ARL13B: variants seen among roughly 807,000 people sequenced by gnomAD.
The protein encoded by ARL13B is ARF like GTPase 13B.
A neutral mutation model predicts 56.1 loss-of-function variants in ARL13B; 36 were observed. The observed-to-expected ratio is 0.64, with a 90% CI of 0.49 to 0.85. ARL13B has a LOEUF of 0.85. ARL13B is among the 40% of genes least tolerant of loss of function. The probability of loss-of-function intolerance (pLI) is 0.00; values close to 1 mark genes in which losing one functional copy is unlikely to be tolerated. For synonymous variants in ARL13B, 178 were observed against 171.1 expected (o/e 1.04, Z -0.32); for missense variants, 519 against 507.1 (o/e 1.02, Z -0.23).
At position 93,995,854 on chromosome 3, in the gene ARL13B, T is replaced by A. The variant is rs2107383939; in HGVS notation, c.60-20T>A. The A allele has an allele frequency of 2.5e-6, 4 of 1,593,558 alleles. No homozygotes were observed. The highest frequency in any genetic ancestry group is 1.4e-5 in the African/African-American group (1 of 73,626). Reference sequence around the variant, plus strand: ...CTAAATTAACAAAGAAAGTGATTTTTAAATTTCTATTATTTTAAGAAAGGT... The same window carrying A: ...CTAAATTAACAAAGAAAGTGATTTTAAAATTTCTATTATTTTAAGAAAGGT... On this transcript the variant is annotated intron_variant, in intron 1 of 9. Coordinates refer to ENST00000394222, the MANE Select transcript of ARL13B (RefSeq NM_001174150.2).
At chr3:94,050,795 G>A in intron 8 of ARL13B, 29 bp from the exon 9 acceptor site, 1 of 1,599,544 alleles carries the variant, frequency 6.3e-7, no homozygotes, top group Non-Finnish European at 8.5e-7. Context: ...GTTTAACAGT[G>A]TTTTTTAAAT....
chr3:93,981,865 C>CAAAAAAAAAAAAAA (rs11396818), intron 1 of ARL13B, among the ~76,000 whole-genome samples: 6 of 68,380 alleles, frequency 8.8e-5, no homozygotes, highest in Non-Finnish European at 1.7e-4. Flanking sequence ...AACCCTGTCT[C>CAAAAAAAAAAAAAA]AAAAAAAAAA....
Position 94,054,717 on chromosome 3 carries a change from A to G in ARL13B, c.*1454A>G, listed in dbSNP as rs2077117127. The G allele has an allele frequency of 2.4e-6, 1 of 412,380 alleles. No homozygotes were observed. The highest frequency in any genetic ancestry group is 2.1e-5 in the African/African-American group (1 of 48,290). 25.5% of individuals were successfully genotyped at this position (412,380 alleles called of 1,614,324 possible). A position where few individuals can be genotyped will look rare whatever the true frequency, so the allele number is the denominator to read the frequency against. On this transcript the variant is annotated 3_prime_UTR_variant, in exon 10 of 10. Transcript: ENST00000394222. ...GAACTTTAATAATCAGGTCACCTGT[A>G]CTCTAGTCAGCACTGTATATATTCT...
chr3:94,034,453 A>C (rs778777567), intron 3 of ARL13B, among the ~76,000 whole-genome samples: 10 of 151,904 alleles, frequency 6.6e-5, no homozygotes, highest in Non-Finnish European at 1.3e-4. Flanking sequence ...TTTTCTGTAG[A>C]ATATATTGGT....
At position 94,003,833 on chromosome 3, in the gene ARL13B, A is replaced by T. The variant is rs1013644884; in HGVS notation, c.305A>T (p.Glu102Val). 6.2e-7 allele frequency: 1 copy of T among 1,613,726 alleles called. No homozygotes were observed. Among genetic ancestry groups the T allele is most frequent in the African/African-American group, 1.3e-5 (1 of 75,036 alleles). ...TTTGTTGTGGATTCCAGTGATGAAG[A>T]GAGAATGGAAGAGACAAAAGAGGCT... ...VIFVVDSSDE[E>V]RMEETKEAMS... is the part of the protein sequence containing the mutation. The change falls in exon 3 of 10, where the codon GAG (glutamate) becomes GTG (valine). Residue 102 changes from glutamate to valine, a missense_variant. By Grantham distance (121) the Glu-to-Val change is moderately radical. Coordinates refer to ENST00000394222, the MANE Select transcript of ARL13B (RefSeq NM_001174150.2).
rs2107210662 is a variant in ARL13B at position 94,053,693 on chromosome 3, A to T, written c.*430A>T. On this transcript the variant is annotated 3_prime_UTR_variant, in exon 10 of 10. Coordinates refer to ENST00000394222, the MANE Select transcript of ARL13B (RefSeq NM_001174150.2). Reference sequence around the variant, plus strand: ...GGGGACTTCTAGGAATTTATAACCAAAATTTTAAAACTATTTTTATATTTT... The same window carrying T: ...GGGGACTTCTAGGAATTTATAACCATAATTTTAAAACTATTTTTATATTTT... The T allele has an allele frequency of 3.2e-6, 1 of 312,358 alleles. No homozygotes were observed. The highest frequency in any genetic ancestry group is 9.2e-5 in the East Asian group (1 of 10,910). The allele number at this position is 312,358 out of a possible 1,614,324, so 19.3% of individuals were successfully genotyped here.
chr3:94,045,141 C>G (rs1205272631), intron 7 of ARL13B, among the ~76,000 whole-genome samples: 1 of 152,048 alleles, frequency 6.6e-6, no homozygotes, highest in African/African-American at 2.4e-5. Flanking sequence ...AATCTATAAC[C>G]TTACCCCCAA....
intron 9 of ARL13B, among the ~76,000 whole-genome samples, chr3:94,051,900 C>T (rs751935686): frequency 7.3e-5 from 11 of 151,356 alleles, no homozygotes; most frequent in Non-Finnish European, 1.3e-4. Context: ...TCTTGATAAT[C>T]GTTAGTGAAA....
chr3:94,004,952 G>C (rs150694273), intron 3 of ARL13B, among the ~76,000 whole-genome samples: 1,825 of 152,054 alleles, frequency 0.012, 139 homozygotes, highest in Admixed American at 0.1. Context: ...GTTTAAGCAG[G>C]GAATCAGTGA....
chr3:94,038,253 T>C (rs1302267408), intron 5 of ARL13B, among the ~76,000 whole-genome samples: 1 of 152,178 alleles, frequency 6.6e-6, no homozygotes, highest in South Asian at 2.1e-4. Flanking sequence ...TACAGCTCTA[T>C]GAAGTGGTTA....
intron 7 of ARL13B, among the ~76,000 whole-genome samples, chr3:94,049,190 A>G (rs559268436): frequency 6.6e-6 from 1 of 152,194 alleles, no homozygotes; most frequent in Non-Finnish European, 1.5e-5. Flanking sequence ...TTTTTATCAT[A>G]TTCATTGCTC....
rs747800604 is a variant in ARL13B at position 93,980,436 on chromosome 3, A to T, written c.13A>T (p.Met5Leu). The stretch of plus-strand genomic sequence containing the variant: ...GGAGCGACCCGGGATGTTCAGTCTG[A>T]TGGCCAGTTGCTGCGGCTGGTTCAA... MFSLMASCCGWFKRW... is the reference protein window; with the variant it reads MFSLLASCCGWFKRW... Residue 5 changes from methionine to leucine, a missense_variant, in exon 1 of 10, where the codon ATG becomes TTG. Transcript: ENST00000394222. The T allele has an allele frequency of 1.4e-5, 22 of 1,612,606 alleles. No homozygotes were observed. The highest frequency in any genetic ancestry group is 1.8e-5 in the Non-Finnish European group (21 of 1,179,984).
chr3:94,015,255 A>C (rs2076307463), intron 3 of ARL13B: 1 of 1,542,092 alleles, frequency 6.5e-7, no homozygotes, highest in East Asian at 2.3e-5. Context: ...TTAGTTCTTG[A>C]AGTCGGTCTT....
chr3:94,009,219 G>C (rs1307589245), intron 3 of ARL13B, among the ~76,000 whole-genome samples: 1 of 152,026 alleles, frequency 6.6e-6, no homozygotes, highest in African/African-American at 2.4e-5. Flanking sequence ...CTTGTGAGCA[G>C]ATCCTAAAGA....
At chr3:94,013,654 T>G (rs1037627506) in intron 3 of ARL13B, among the ~76,000 whole-genome samples, 2 of 152,168 alleles carry the variant, frequency 1.3e-5, no homozygotes, top group Non-Finnish European at 2.9e-5. Context: ...GGATAAAAGA[T>G]TTGATAAAGG....
chr3:93,996,601 T>C (rs1185586854), intron 2 of ARL13B: 1 of 441,308 alleles, frequency 2.3e-6, no homozygotes, highest in Admixed American at 2.4e-5. Flanking sequence ...TGGTCTGGAA[T>C]GCCTAGCCTC....
At chr3:93,992,166 A>G (rs1169006779) in intron 1 of ARL13B, among the ~76,000 whole-genome samples, 1 of 152,212 alleles carries the variant, frequency 6.6e-6, no homozygotes, top group Admixed American at 6.5e-5. Context: ...CATAGTATAT[A>G]TGTATTTAGA....
chr3:94,013,190 G>C (rs1288375829), intron 3 of ARL13B, among the ~76,000 whole-genome samples: 1 of 152,140 alleles, frequency 6.6e-6, no homozygotes, highest in Non-Finnish European at 1.5e-5. Context: ...AGATCTTCAA[G>C]TAAATTTCAC....
chr3:94,011,642 C>T (rs540544074), intron 3 of ARL13B, among the ~76,000 whole-genome samples: 114 of 152,228 alleles, frequency 7.5e-4, no homozygotes, highest in African/African-American at 2.7e-3. Context: ...GTGCTTCATA[C>T]TCCACTTCTT....
Sources: gnomAD v4.1 joint callset for allele counts (sites outside exome capture counted in the v4.1 genomes callset) on GRCh38, gnomAD v4.1.1 for gene constraint, MANE v1.5 for transcripts, NCBI Gene and HGNC (gene_info 2026-07-23, HGNC 2026-07-21) for gene names.